The following PCDH7 variants were observed in gnomAD, a reference collection of about 807,000 sequenced individuals.
PCDH7 encodes protocadherin 7.
A neutral mutation model predicts 58.9 loss-of-function variants in PCDH7; 17 were observed. The ratio of observed to expected loss-of-function variants is 0.29; its 90% CI spans 0.20 to 0.43. PCDH7 has a LOEUF of 0.43. Among genes scored for constraint, PCDH7 ranks in the 20% least tolerant of loss-of-function variants. The pLI is 1.00. For synonymous variants in PCDH7, 664 were observed against 616.4 expected (o/e 1.08, Z -1.14); for missense variants, 1,274 against 1,441.0 (o/e 0.88, Z 1.88).
exon 2 of PCDH7, chr4:30,731,101 GC>G: frequency 9.3e-7 from 1 of 1,070,720 alleles, no homozygotes; most frequent in Non-Finnish European, 1.1e-6. Flanking sequence ...AAATCCAAAA[GC>G]ATATTGCAAC....
chr4:30,869,901 C>T (rs1015928814), intron 1 of PCDH7, among the ~76,000 whole-genome samples: 27 of 152,270 alleles, frequency 1.8e-4, no homozygotes, highest in Admixed American at 3.3e-4. Flanking sequence ...CTCCCACCAA[C>T]GGTATAAAAG....
chr4:30,768,875 A>C (rs970447881), intron 1 of PCDH7, among the ~76,000 whole-genome samples: 2 of 152,232 alleles, frequency 1.3e-5, no homozygotes, highest in African/African-American at 4.8e-5. Flanking sequence ...GCATAATTTT[A>C]AGCTAAATTT....
chr4:30,739,932 C>T (rs1228817284), intron 1 of PCDH7, among the ~76,000 whole-genome samples: 4 of 152,124 alleles, frequency 2.6e-5, no homozygotes, highest in Admixed American at 2.0e-4. Context: ...TATGTAAATA[C>T]ATAAATAGCT....
At chr4:30,982,408 C>T (rs1204454588) in intron 3 of PCDH7, among the ~76,000 whole-genome samples, 1 of 152,100 alleles carries the variant, frequency 6.6e-6, no homozygotes, top group Admixed American at 6.6e-5. Flanking sequence ...CTTCCTCATC[C>T]CACTTTTCCT....
chr4:31,045,517 A>T (rs1258859408), intron 3 of PCDH7, among the ~76,000 whole-genome samples: 1 of 152,048 alleles, frequency 6.6e-6, no homozygotes, highest in East Asian at 1.9e-4. Flanking sequence ...TCATAACATG[A>T]TAAGCAGAAC....
At chr4:31,096,654 G>A (rs1383708451) in intron 3 of PCDH7, among the ~76,000 whole-genome samples, 1 of 152,160 alleles carries the variant, frequency 6.6e-6, no homozygotes, top group African/African-American at 2.4e-5. Context: ...CACATCTCAT[G>A]CTTTCAAGAA....
chr4:31,121,845 G>A (rs375282109), intron 3 of PCDH7, among the ~76,000 whole-genome samples: 1 of 152,022 alleles, frequency 6.6e-6, no homozygotes, highest in Admixed American at 6.6e-5. Flanking sequence ...AAAAATATGT[G>A]GGTCTCTTTA....
At chr4:31,002,660 G>T (rs1268375201) in intron 3 of PCDH7, among the ~76,000 whole-genome samples, 1 of 152,140 alleles carries the variant, frequency 6.6e-6, no homozygotes, top group Non-Finnish European at 1.5e-5. Context: ...CTATGCTTTA[G>T]CAATTAATGC....
At chr4:30,781,566 C>T (rs1577778028) in intron 1 of PCDH7, among the ~76,000 whole-genome samples, 1 of 143,988 alleles carries the variant, frequency 6.9e-6, no homozygotes, top group Non-Finnish European at 1.5e-5. Flanking sequence ...GACGAAGTTT[C>T]CCTCTTGTTG....
At chr4:30,850,624 G>T in intron 1 of PCDH7, among the ~76,000 whole-genome samples, 1 of 152,126 alleles carries the variant, frequency 6.6e-6, no homozygotes. Context: ...CTTCACAGAA[G>T]TTGTTTAACT....
chr4:30,976,333 C>T lies in PCDH7; in HGVS notation c.*7+26118C>T, dbSNP rs373963711. Among the ~76,000 whole-genome samples the T allele has an allele frequency of 2.3e-3, 352 of 151,550 alleles. 2 individuals carry two copies. Among genetic ancestry groups the T allele is most frequent in the South Asian group, 0.011 (52 of 4,788 alleles). ...CTTGGACTCCCAACCTCTGGTGATC[C>T]GCCCACCTCAGCCTCCCAAAGTGTG... On this transcript the variant is annotated intron_variant, in intron 3 of 3. Coordinates refer to the PCDH7 transcript ENST00000509759.
chr4:30,959,116 G>A (rs1177416475), intron 3 of PCDH7, among the ~76,000 whole-genome samples: 1 of 152,030 alleles, frequency 6.6e-6, no homozygotes, highest in Non-Finnish European at 1.5e-5. Flanking sequence ...AAGCGTTCCA[G>A]GGACGCTTTA....
At chr4:30,933,855 T>G (rs543965212) in intron 2 of PCDH7, among the ~76,000 whole-genome samples, 1 of 152,338 alleles carries the variant, frequency 6.6e-6, no homozygotes, top group South Asian at 2.1e-4. Context: ...AGCTCAATCT[T>G]TAATTATATG....
At chr4:31,070,917 T>C (rs1758494085) in intron 3 of PCDH7, among the ~76,000 whole-genome samples, 1 of 152,108 alleles carries the variant, frequency 6.6e-6, no homozygotes, top group Non-Finnish European at 1.5e-5. Context: ...TTCAGAATTA[T>C]ATCAAACACA....
At chr4:31,138,835 T>G (rs1054290371) in intron 3 of PCDH7, among the ~76,000 whole-genome samples, 7 of 151,430 alleles carry the variant, frequency 4.6e-5, no homozygotes. Flanking sequence ...ATTAGCCAGG[T>G]GGTAGTGGTG....
At chr4:30,984,196 G>T (rs1578486831) in intron 3 of PCDH7, among the ~76,000 whole-genome samples, 2 of 152,148 alleles carry the variant, frequency 1.3e-5, no homozygotes, top group East Asian at 3.9e-4. Flanking sequence ...CAGAGGAGGG[G>T]TTCATATGCA....
At chr4:31,015,013 TAAATA>T (rs1349712307) in intron 3 of PCDH7, among the ~76,000 whole-genome samples, 2 of 152,200 alleles carry the variant, frequency 1.3e-5, no homozygotes, top group Non-Finnish European at 2.9e-5. Flanking sequence ...AATGGATAAA[TAAATA>T]TAATTTAATG....
intron 3 of PCDH7, among the ~76,000 whole-genome samples, chr4:31,020,936 T>A (rs542143474): frequency 6.6e-6 from 1 of 152,364 alleles, no homozygotes; most frequent in Middle Eastern, 3.4e-3. Context: ...CTCCTCCGTT[T>A]TCTTTATTTT....
intron 3 of PCDH7, among the ~76,000 whole-genome samples, chr4:30,968,026 A>G (rs1560540996): frequency 6.6e-6 from 1 of 152,084 alleles, no homozygotes; most frequent in Non-Finnish European, 1.5e-5. Context: ...AAAGTGTCTC[A>G]ATATATTTTT....
Sources: allele counts gnomAD v4.1 joint callset (sites outside exome capture counted in the v4.1 genomes callset), GRCh38; gene constraint gnomAD v4.1.1; transcripts MANE v1.5; gene names NCBI Gene and HGNC (gene_info 2026-07-23, HGNC 2026-07-21).